NLGN4X: variants seen among roughly 807,000 people sequenced by gnomAD.
NLGN4X encodes the protein neuroligin-4, X-linked.
NLGN4X carries 3 observed loss-of-function variants against 40.3 expected under a neutral mutation model. That is an observed-to-expected ratio of 0.07 (90% CI 0.03 to 0.19). The LOEUF (loss-of-function observed/expected upper bound fraction) is 0.19. Ranked by LOEUF, NLGN4X falls within the 10% of genes least tolerant of loss-of-function variation. NLGN4X has a pLI of 1.00. For missense variants in NLGN4X, 382 were observed against 708.3 expected (o/e 0.54, Z 5.23); for synonymous variants, 270 against 306.8 (o/e 0.88, Z 1.25).
Position 5,928,837 on chromosome X carries a change from A to AT in NLGN4X, c.626-19599dup, listed in dbSNP as rs35111855. ...CTGTCATACAGTTATAGAAAGACTTATTTTTTTTTTTAATTTTTAGTTTTT... is the reference window on the plus strand; with the variant it reads ...CTGTCATACAGTTATAGAAAGACTTATTTTTTTTTTTTAATTTTTAGTTTTT... On this transcript the variant is annotated intron_variant, in intron 3 of 5. Coordinates refer to ENST00000381095, the MANE Select transcript of NLGN4X (RefSeq NM_181332.3). 4.5e-3 allele frequency among the ~76,000 whole-genome samples: 472 copies of AT among 105,126 alleles called. 1 individual carries two copies. Among genetic ancestry groups the AT allele is most frequent in the African/African-American group, 5.0e-3 (146 of 28,980 alleles). 91.3% of individuals were successfully genotyped at this position (105,126 alleles called of 115,157 possible). A position where few individuals can be genotyped will look rare whatever the true frequency, so the allele number is the denominator to read the frequency against.
intron 3 of NLGN4X, among the ~76,000 whole-genome samples, chrX:5,910,689 A>C (rs1310307368): frequency 9.0e-6 from 1 of 111,595 alleles, no homozygotes; most frequent in African/African-American, 3.3e-5. Flanking sequence ...ACCTGTGGAA[A>C]AATGCTCTGA....
chrX:6,185,104 C>T (rs991264422), intron 1 of NLGN4X, among the ~76,000 whole-genome samples: 4 of 112,467 alleles, frequency 3.6e-5, no homozygotes, highest in African/African-American at 1.3e-4. Context: ...GTGGCCTGCA[C>T]TGTGATACAT....
At chrX:6,175,804 C>G in intron 1 of NLGN4X, among the ~76,000 whole-genome samples, 1 of 110,654 alleles carries the variant, frequency 9.0e-6, no homozygotes, top group South Asian at 3.9e-4. Flanking sequence ...TCACCTCCCC[C>G]TCCCATCACC....
At chrX:6,140,189 A>G (rs553987972) in intron 2 of NLGN4X, among the ~76,000 whole-genome samples, 2 of 111,578 alleles carry the variant, frequency 1.8e-5, no homozygotes, top group South Asian at 7.6e-4. Context: ...GCCTGAGATA[A>G]ATCAGTACCT....
chrX:6,110,340 G>A (rs72609510), intron 2 of NLGN4X, among the ~76,000 whole-genome samples: 8,100 of 110,330 alleles, frequency 0.073, 253 homozygotes, highest in East Asian at 0.18. Context: ...ATCCACAAGA[G>A]GCTCCCACTC....
At chrX:6,098,601 C>T (rs1336113056) in intron 2 of NLGN4X, among the ~76,000 whole-genome samples, 1 of 111,286 alleles carries the variant, frequency 9.0e-6, no homozygotes, top group Non-Finnish European at 1.9e-5. Context: ...ATATAAACGG[C>T]CTGCGTACTT....
At chrX:6,099,124 A>G (rs1302798735) in intron 2 of NLGN4X, among the ~76,000 whole-genome samples, 1 of 112,197 alleles carries the variant, frequency 8.9e-6, no homozygotes, top group Non-Finnish European at 1.9e-5. Context: ...GAAATGCTAC[A>G]TCAGAGTATA....
At chrX:6,037,678 TA>T (rs2037051397) in intron 2 of NLGN4X, among the ~76,000 whole-genome samples, 1 of 107,222 alleles carries the variant, frequency 9.3e-6, no homozygotes, top group Non-Finnish European at 1.9e-5. Context: ...ATTTTCAACT[TA>T]GTCTTGTTAA....
At chrX:6,156,816 C>T (rs772053203) in intron 1 of NLGN4X, among the ~76,000 whole-genome samples, 1 of 108,557 alleles carries the variant, frequency 9.2e-6, no homozygotes, top group African/African-American at 3.4e-5. Flanking sequence ...ATCCAATACA[C>T]CCAGGTAAAA....
chrX:5,977,515 T>C (rs1174547946), intron 3 of NLGN4X, among the ~76,000 whole-genome samples: 2 of 111,446 alleles, frequency 1.8e-5, no homozygotes, highest in African/African-American at 3.3e-5. Context: ...AGCCACTGTG[T>C]CCAGCCACTT....
chrX:6,126,387 G>A (rs1269272135), intron 2 of NLGN4X, among the ~76,000 whole-genome samples: 1 of 111,246 alleles, frequency 9.0e-6, no homozygotes, highest in Non-Finnish European at 1.9e-5. Context: ...AAAATTACAA[G>A]TATTGAAAGG....
chrX:6,164,264 G>C (rs2040457090), intron 1 of NLGN4X, among the ~76,000 whole-genome samples: 1 of 112,586 alleles, frequency 8.9e-6, no homozygotes, highest in Admixed American at 9.4e-5. Context: ...AAGAATTCTA[G>C]ATACCCAGTC....
intron 2 of NLGN4X, among the ~76,000 whole-genome samples, chrX:6,030,392 A>ATTG (rs56353701): frequency 1.6e-4 from 11 of 68,287 alleles, no homozygotes; most frequent in East Asian, 1.2e-3. Context: ...CTGGATACAG[A>ATTG]TATGTGTGTG....
chrX:6,013,893 A>G (rs1326465546), intron 3 of NLGN4X, among the ~76,000 whole-genome samples: 1 of 110,634 alleles, frequency 9.0e-6, no homozygotes. Flanking sequence ...TTAAAAAGTG[A>G]ACATCCTGGC....
intron 3 of NLGN4X, among the ~76,000 whole-genome samples, chrX:5,946,737 C>G (rs916840494): frequency 9.0e-6 from 1 of 111,202 alleles, no homozygotes; most frequent in South Asian, 3.8e-4. Context: ...TGCAGGTAAA[C>G]TAGTGTCATG....
chrX:6,192,765 G>T (rs1377060055), intron 1 of NLGN4X, among the ~76,000 whole-genome samples: 2 of 111,887 alleles, frequency 1.8e-5, no homozygotes, highest in Non-Finnish European at 3.8e-5. Flanking sequence ...TGGTGAGAAT[G>T]AACCTACTGC....
chrX:6,021,002 T>TTCTTTCTTTCTC (rs2036516851), intron 3 of NLGN4X, among the ~76,000 whole-genome samples: 2 of 24,127 alleles, frequency 8.3e-5, no homozygotes, highest in African/African-American at 1.4e-4. Flanking sequence ...CTTCCTTCTT[T>TTCTTTCTTTCTC]TCTCTCTCTC....
At chrX:6,098,105 C>T (rs1053039681) in intron 2 of NLGN4X, among the ~76,000 whole-genome samples, 4 of 111,501 alleles carry the variant, frequency 3.6e-5, no homozygotes, top group Admixed American at 9.5e-5. Flanking sequence ...GCCTGGGCAA[C>T]GGAATTTGTA....
At chrX:6,030,822 G>T (rs2036838694) in intron 2 of NLGN4X, among the ~76,000 whole-genome samples, 1 of 112,030 alleles carries the variant, frequency 8.9e-6, no homozygotes, top group African/African-American at 3.2e-5. Context: ...AATGTCTTCT[G>T]CTATATGAAT....
Sources: gnomAD v4.1 joint callset for allele counts (sites outside exome capture counted in the v4.1 genomes callset) on GRCh38, gnomAD v4.1.1 for gene constraint, MANE v1.5 for transcripts, NCBI Gene and HGNC (gene_info 2026-07-23, HGNC 2026-07-21) for gene names.